HPS4: variants seen among roughly 807,000 people sequenced by gnomAD.
HPS4 encodes the protein BLOC-3 complex member HPS4.
HPS4 carries 44 observed loss-of-function variants against 70.3 expected under a neutral mutation model. That is an observed-to-expected ratio of 0.63 (90% CI 0.49 to 0.80). The LOEUF is 0.80. Ranked by LOEUF, HPS4 falls within the 30% of genes least tolerant of loss-of-function variation. HPS4 has a pLI of 0.00. For synonymous variants in HPS4, 377 were observed against 355.9 expected, an observed-to-expected ratio of 1.06 and a Z score of -0.67; for missense variants, 873 against 884.4, an observed-to-expected ratio of 0.99 and a Z score of 0.16.
downstream of HPS4, among the ~76,000 whole-genome samples, chr22:26,450,299 G>A (rs531215796): frequency 6.6e-6 from 1 of 152,314 alleles, no homozygotes; most frequent in South Asian, 2.1e-4. Context: ...AAGGTCTGCT[G>A]CTACTCACCC....
At chr22:26,483,647 C>A (rs1388284363) in intron 1 of HPS4, 27 bp downstream of exon 1, 2 of 357,278 alleles carry the variant, frequency 5.6e-6, no homozygotes, top group East Asian at 9.3e-5. Flanking sequence ...CCTCGGTATC[C>A]CCGCGCTCCG....
In HPS4 at chr22:26,466,188, G is replaced by A. The variant is rs746242721; in HGVS notation, c.706+38C>T. ...ACAGGGGTAGGTAGCATAAAAGACC[G>A]CCGTTCTCAAGAGGCAACCATGCGC... On this transcript the variant is annotated intron_variant, in intron 9 of 13. Transcript: ENST00000398145. The A allele has an allele frequency of 1.9e-6, 3 of 1,613,646 alleles. No individual in the cohort carries two copies. In the African/African-American group the frequency reaches 4.0e-5, roughly 22 times the overall value.
At chr22:26,483,831 C>CA (rs1186023944), upstream of HPS4, 1 of 1,281,340 alleles carries the variant, frequency 7.8e-7, no homozygotes. Flanking sequence ...CAGCTCCTGG[C>CA]AAGCCGGCGC....
At chr22:26,454,662 T>C (rs557169206) in intron 13 of HPS4, among the ~76,000 whole-genome samples, 32 of 152,216 alleles carry the variant, frequency 2.1e-4, no homozygotes, top group Non-Finnish European at 4.3e-4. Context: ...ATTCAGGACA[T>C]AGGCATGGCC....
intron 11 of HPS4, 97 bp from the exon 12 acceptor site, chr22:26,458,674 C>T: frequency 6.9e-7 from 1 of 1,451,760 alleles, no homozygotes; most frequent in Non-Finnish European, 9.4e-7. Flanking sequence ...AAAAATCCTC[C>T]AGCCAGGCAC....
chr22:26,465,398 C>A, intron 10 of HPS4, 57 bp downstream of exon 10: 1 of 1,264,102 alleles, frequency 7.9e-7, no homozygotes, highest in Non-Finnish European at 1.2e-6. Flanking sequence ...TTTAACCAAT[C>A]ACGCGATGGG....
intron 2 of HPS4, among the ~76,000 whole-genome samples, chr22:26,480,000 C>T (rs1294067553): frequency 2.0e-5 from 3 of 152,216 alleles, no homozygotes; most frequent in African/African-American, 7.2e-5. Flanking sequence ...TCCTCATTAA[C>T]CGTCTCCTGA....
At chr22:26,458,796 G>A (rs547142970) in intron 11 of HPS4, among the ~76,000 whole-genome samples, 10 of 151,470 alleles carry the variant, frequency 6.6e-5, no homozygotes, top group Admixed American at 2.0e-4. Context: ...ACTCCAGCCT[G>A]GGTGATAGAG....
rs1280506430 is a variant in HPS4, at chr22:26,472,453, A to AT, written c.385-36dup. 5.4e-6 allele frequency: 7 copies of AT among 1,292,514 alleles called. No individual in the cohort carries two copies. In the African/African-American group the frequency reaches 8.8e-5, roughly 16 times the overall value. 80.1% of individuals were successfully genotyped at this position (1,292,514 alleles called of 1,614,324 possible). On this transcript the variant is annotated intron_variant, in intron 5 of 13. Coordinates refer to ENST00000398145, the MANE Select transcript of HPS4 (RefSeq NM_022081.6). ...AAAGAGCCTCAGGTCAATATCTGAGATTTTGAGGGACAGATTCTTTGGCCA... is the reference window on the plus strand; with the variant it reads ...AAAGAGCCTCAGGTCAATATCTGAGATTTTTGAGGGACAGATTCTTTGGCCA...
At chr22:26,463,781 G>A (rs1350440235) in intron 11 of HPS4, 136 bp downstream of exon 11, 2 of 923,294 alleles carry the variant, frequency 2.2e-6, no homozygotes, top group African/African-American at 3.2e-5. Context: ...GTCTAAACAA[G>A]AACGTCTTGC....
chr22:26,452,931 A>T lies in HPS4; in HGVS notation c.*302T>A. ...CCAATTCAAGCTGGGATGGAACAGC[A>T]GGAGATATGAAATACCTCAGGCTCA... is the stretch of plus-strand genomic sequence containing the variant. On this transcript the variant is annotated 3_prime_UTR_variant, in exon 14 of 14. Coordinates refer to ENST00000398145, the MANE Select transcript of HPS4 (RefSeq NM_022081.6). The T allele has an allele frequency of 2.6e-6, 1 of 391,450 alleles. No individual in the cohort carries two copies. The highest frequency in any genetic ancestry group is 4.8e-6 in the Non-Finnish European group (1 of 209,526). 24.2% of individuals were successfully genotyped at this position (391,450 alleles called of 1,614,324 possible). A position where few individuals can be genotyped will look rare whatever the true frequency, so the allele number is the denominator to read the frequency against.
intron 3 of HPS4, among the ~76,000 whole-genome samples, chr22:26,478,913 AC>A (rs2090958150): frequency 6.6e-6 from 1 of 152,012 alleles, no homozygotes; most frequent in Non-Finnish European, 1.5e-5. Flanking sequence ...CAAACTCCTG[AC>A]CTCAGGTGAT....
downstream of HPS4, among the ~76,000 whole-genome samples, chr22:26,448,591 G>T (rs117577032): frequency 3.6e-3 from 541 of 152,304 alleles, 15 homozygotes; most frequent in East Asian, 0.066. Context: ...GCAGGGCAGG[G>T]GAGAAGGGTT....
chr22:26,456,794 G>C (rs919401016), intron 13 of HPS4, among the ~76,000 whole-genome samples: 2 of 152,078 alleles, frequency 1.3e-5, no homozygotes, highest in African/African-American at 4.8e-5. Flanking sequence ...AAATTCTCAG[G>C]TCCCAGTCTC....
intron 13 of HPS4, among the ~76,000 whole-genome samples, chr22:26,457,210 C>CTTTTTTTT (rs1555889771): frequency 3.9e-5 from 1 of 25,554 alleles, no homozygotes. Context: ...GCACGTATTA[C>CTTTTTTTT]TTTTTTTTTT....
intron 5 of HPS4, 118 bp from the exon 6 acceptor site, chr22:26,472,536 C>T (rs929251810): frequency 1.6e-5 from 13 of 814,286 alleles, no homozygotes; most frequent in Non-Finnish European, 2.6e-5. Context: ...GAAGGGAGGA[C>T]CTGTTTTAAA....
At chr22:26,481,012 G>T (rs1342593213) in intron 2 of HPS4, among the ~76,000 whole-genome samples, 1 of 152,014 alleles carries the variant, frequency 6.6e-6, no homozygotes. Flanking sequence ...CTGGCTGCAG[G>T]GTAAGCTCAG....
rs2091318468 is a variant in HPS4, at chr22:26,481,840, T to C, written c.-78A>G. ...ACTTCTTTCTCCCTAGCTGTGACCG[T>C]TCCTCTATCCCCCAATCCAGTGAAT... On this transcript the variant is annotated 5_prime_UTR_variant, in exon 2 of 14. Coordinates refer to ENST00000398145, the MANE Select transcript of HPS4 (RefSeq NM_022081.6). 7.2e-7 allele frequency: 1 copy of C among 1,380,144 alleles called. No homozygotes were observed. Among genetic ancestry groups the C allele is most frequent in the African/African-American group, 1.4e-5 (1 of 70,400 alleles). The allele number at this position is 1,380,144 out of a possible 1,614,324, so 85.5% of individuals were successfully genotyped here. A position where few individuals can be genotyped will look rare whatever the true frequency, so the allele number is the denominator to read the frequency against.
chr22:26,459,036 G>A (rs2146395676), intron 11 of HPS4, among the ~76,000 whole-genome samples: 1 of 152,328 alleles, frequency 6.6e-6, no homozygotes, highest in South Asian at 2.1e-4. Context: ...CACCACTGTG[G>A]TGTATCTTAT....
Sources: gnomAD v4.1 joint callset for allele counts (sites outside exome capture counted in the v4.1 genomes callset) on GRCh38, gnomAD v4.1.1 for gene constraint, MANE v1.5 for transcripts, NCBI Gene and HGNC (gene_info 2026-07-23, HGNC 2026-07-21) for gene names.